ZNF468: variants seen among roughly 807,000 people sequenced by gnomAD.
ZNF468 encodes the protein zinc finger protein 468, also known as zinc finger protein ZNF468.
A neutral mutation model predicts 7.2 loss-of-function variants in ZNF468; 8 were observed. That is an observed-to-expected ratio of 1.11 (90% CI 0.65 to 2.01). ZNF468 has a LOEUF of 2.01. ZNF468 is among the 30% of genes most tolerant of loss of function. ZNF468 has a pLI of 0.00. For synonymous variants in ZNF468, 218 were observed against 214.4 expected, an observed-to-expected ratio of 1.02 and a Z score of -0.15; for missense variants, 608 against 626.5, an observed-to-expected ratio of 0.97 and a Z score of 0.31.
At chr19:52,846,878 G>A (rs993155018) in intron 3 of ZNF468, among the ~76,000 whole-genome samples, 12 of 152,078 alleles carry the variant, frequency 7.9e-5, no homozygotes, top group African/African-American at 1.2e-4. Context: ...GTGTGCGCCT[G>A]CAGTTCCAGC....
chr19:52,853,687 T>C (rs1348265370), intron 2 of ZNF468, among the ~76,000 whole-genome samples: 1 of 151,898 alleles, frequency 6.6e-6, no homozygotes, highest in Admixed American at 6.6e-5. Context: ...CGAAACTCCA[T>C]CTCAAAAAAT....
At chr19:52,855,854 G>A (rs59094711) in intron 1 of ZNF468, among the ~76,000 whole-genome samples, 2,096 of 151,804 alleles carry the variant, frequency 0.014, 2 homozygotes, top group African/African-American at 0.048. Flanking sequence ...CTAGCCCTTC[G>A]TCGCAAAGAT....
chr19:52,854,084 A>T (rs567907549), intron 2 of ZNF468, 174 bp downstream of exon 2: 31 of 1,529,538 alleles, frequency 2.0e-5, no homozygotes, highest in Non-Finnish European at 2.6e-5. Flanking sequence ...CAAGTTCATG[A>T]CACTGGGTCA....
intron 1 of ZNF468, among the ~76,000 whole-genome samples, chr19:52,855,334 T>G (rs1231273543): frequency 6.6e-6 from 1 of 152,182 alleles, no homozygotes; most frequent in Non-Finnish European, 1.5e-5. Flanking sequence ...AAAGGGACAG[T>G]GCCATCTTCA....
Position 52,841,936 on chromosome 19 carries a change from C to T in ZNF468, c.358G>A (p.Ala120Thr), listed in dbSNP as rs529310674. Residue 120 changes from alanine (A) to threonine (T), a missense_variant, in exon 4 of 4, where the codon GCT becomes ACT. By Grantham distance (58) the Ala-to-Thr change is moderately conservative. Coordinates refer to ENST00000595646, the MANE Select transcript of ZNF468 (RefSeq NM_001008801.2). ...AAPMTEIKELAGSTGQHDQRH... is the reference protein window; with the variant it reads ...AAPMTEIKELTGSTGQHDQRH... Reference sequence around the variant, plus strand: ...TGATCATGTTGGCCTGTACTACCAGCCAACTCTTTGATTTCTGTCATGGGT... The same window carrying T: ...TGATCATGTTGGCCTGTACTACCAGTCAACTCTTTGATTTCTGTCATGGGT... The T allele has an allele frequency of 5.1e-5, 83 of 1,613,788 alleles. 1 individual carries two copies. The South Asian group carries it at 7.0e-4, about 14-fold the overall frequency.
At chr19:52,850,624 G>T (rs1464924221) in intron 2 of ZNF468, among the ~76,000 whole-genome samples, 2 of 152,168 alleles carry the variant, frequency 1.3e-5, no homozygotes, top group African/African-American at 4.8e-5. Context: ...TATGGGCCGG[G>T]CGCGGTGGCT....
Position 52,849,125 on chromosome 19 carries a change from T to A in ZNF468, c.104A>T (p.Asp35Val), listed in dbSNP as rs755304763. 8 of 1,613,986 alleles carry A rather than the reference T, an allele frequency of 5.0e-6. No homozygotes were observed. The highest frequency in any genetic ancestry group is 6.8e-6 in the Non-Finnish European group (8 of 1,179,936). The part of the protein sequence containing the change: ...LDPAQRTLYR[D>V]VMLENYRNLV... ...GTTCCTATAATTCTCCAGCATCACG[T>A]CCCTGTATAAAGTCCTCTGAGCAGG... The change falls in exon 3 of 4, where the codon GAC becomes GTC. Residue 35 changes from aspartate to valine, a missense_variant. Coordinates refer to ENST00000595646, the MANE Select transcript of ZNF468 (RefSeq NM_001008801.2).
Position 52,839,584 on chromosome 19 carries a change from T to A in ZNF468, c.*1141A>T. On this transcript the variant is annotated 3_prime_UTR_variant, in exon 4 of 4. Coordinates refer to ENST00000595646, the MANE Select transcript of ZNF468 (RefSeq NM_001008801.2). ...GTCTGATGGTCTGCAAGGAGTGACC[T>A]TGGACTGAAGACCCTTCCACACTGA... 1.8e-6 allele frequency: 1 copy of A among 542,104 alleles called. No individual in the cohort carries two copies. The highest frequency in any genetic ancestry group is 3.7e-6 in the Non-Finnish European group (1 of 266,952). 33.6% of individuals were successfully genotyped at this position (542,104 alleles called of 1,614,324 possible). A position where few individuals can be genotyped will look rare whatever the true frequency, so the allele number is the denominator to read the frequency against.
At chr19:52,842,498 C>T (rs962855553) in intron 3 of ZNF468, among the ~76,000 whole-genome samples, 13 of 151,972 alleles carry the variant, frequency 8.6e-5, no homozygotes, top group Admixed American at 5.9e-4. Flanking sequence ...TATATATTCT[C>T]CATATTTACA....
intron 3 of ZNF468, among the ~76,000 whole-genome samples, chr19:52,843,120 CAAAAAAAAAAAAA>C (rs11356842): frequency 7.3e-5 from 5 of 68,688 alleles, no homozygotes; most frequent in Non-Finnish European, 1.3e-4. Context: ...GACTCTGTCT[CAAAAAAAAAAAAA>C]AAAAAAAAGA....
At chr19:52,852,129 G>A (rs1449114031) in intron 2 of ZNF468, among the ~76,000 whole-genome samples, 1 of 152,022 alleles carries the variant, frequency 6.6e-6, no homozygotes, top group Non-Finnish European at 1.5e-5. Flanking sequence ...ACTTTGGGAG[G>A]CTGAGGCAGG....
chr19:52,848,458 A>C (rs754284066), intron 3 of ZNF468, among the ~76,000 whole-genome samples: 5 of 152,196 alleles, frequency 3.3e-5, no homozygotes, highest in Non-Finnish European at 7.3e-5. Flanking sequence ...GTAATATGTA[A>C]TATGTGGACA....
chr19:52,854,899 C>G (rs932249051), intron 1 of ZNF468, among the ~76,000 whole-genome samples: 1 of 152,028 alleles, frequency 6.6e-6, no homozygotes, highest in Non-Finnish European at 1.5e-5. Context: ...GTGGGTATCT[C>G]TAATCCCAGC....
rs1790791247 is a variant in ZNF468 at position 52,852,742 on chromosome 19, T to G, written c.15+1516A>C. ...GGTACTGGACTTGATACCGGAGTGATGAAATAATTGGTACAACAAACTCCA... is the reference window on the plus strand; with the variant it reads ...GGTACTGGACTTGATACCGGAGTGAGGAAATAATTGGTACAACAAACTCCA... On this transcript the variant is annotated intron_variant, in intron 2 of 3. Coordinates refer to ENST00000595646, the MANE Select transcript of ZNF468 (RefSeq NM_001008801.2). 2.0e-5 allele frequency among the ~76,000 whole-genome samples: 3 copies of G among 152,180 alleles called. No individual in the cohort carries two copies. In the South Asian group the frequency reaches 6.2e-4, roughly 32 times the overall value.
rs2063298283 is a variant in ZNF468, at chr19:52,841,401, G to C, written c.893C>G (p.Pro298Arg). The change falls in exon 4 of 4, where the codon CCT (proline) becomes CGT (arginine). Residue 298 changes from proline (P) to arginine (R), a missense_variant. Transcript: ENST00000595646. ...TTTGTCACATTCTTCACATTCATAA[G>C]GTTTCTCTCCAGTATGAAGCGCTTT... is the stretch of plus-strand genomic sequence containing the variant. ...IHKALHTGEK[P>R]YECEECDKVF... 5 of 1,614,038 alleles carry C rather than the reference G, an allele frequency of 3.1e-6. No homozygotes were observed. Among genetic ancestry groups the C allele is most frequent in the East Asian group, 4.5e-5 (2 of 44,864 alleles).
At chr19:52,845,757 C>G (rs943910746) in intron 3 of ZNF468, among the ~76,000 whole-genome samples, 2 of 152,118 alleles carry the variant, frequency 1.3e-5, no homozygotes, top group South Asian at 4.1e-4. Flanking sequence ...GTAATCCCAG[C>G]ACTTTGGGAG....
At chr19:52,848,842 C>T (rs543097363) in intron 3 of ZNF468, among the ~76,000 whole-genome samples, 7 of 152,092 alleles carry the variant, frequency 4.6e-5, no homozygotes, top group Admixed American at 2.6e-4. Flanking sequence ...TGAGCCACCA[C>T]GACCAGGCTG....
rs558531341 is a variant in ZNF468 at position 52,852,519 on chromosome 19, C to CA, written c.15+1738dup. ...TGAAACACCGTCTCTAGTAAAAATA[C>CA]AAAAAAAATTAGCTGGGCATGGTGG... is the stretch of plus-strand genomic sequence containing the variant. On this transcript the variant is annotated intron_variant, in intron 2 of 3. Coordinates refer to ENST00000595646, the MANE Select transcript of ZNF468 (RefSeq NM_001008801.2). Among the ~76,000 whole-genome samples, 551 of 151,054 alleles carry CA rather than the reference C, an allele frequency of 3.6e-3. 6 individuals are homozygous for CA. The highest frequency in any genetic ancestry group is 0.013 in the African/African-American group (528 of 41,160).
In ZNF468 at chr19:52,854,352, G is replaced by A. The variant is rs2063418250; in HGVS notation, c.-73-7C>T. ...CAGTCTTTAGAAGTCAATCCTGAAT[G>A]TTAAAAATATGTTGTTTATCACTCA... On this transcript the variant is annotated splice_polypyrimidine_tract_variant and splice_region_variant and intron_variant, in intron 1 of 3. Coordinates refer to ENST00000595646, the MANE Select transcript of ZNF468 (RefSeq NM_001008801.2). 1.4e-5 allele frequency: 23 copies of A among 1,605,286 alleles called. No homozygotes were observed. The South Asian group carries it at 2.2e-4, about 15-fold the overall frequency.
Sources: gnomAD v4.1 joint callset for allele counts (sites outside exome capture counted in the v4.1 genomes callset) on GRCh38, gnomAD v4.1.1 for gene constraint, MANE v1.5 for transcripts, NCBI Gene and HGNC (gene_info 2026-07-23, HGNC 2026-07-21) for gene names.